Variants in ATXN1 observed in about 807,000 individuals in gnomAD.
ATXN1 encodes the protein ataxin-1.
Under a neutral mutation model 56.4 loss-of-function variants are expected in ATXN1, and 8 were observed. The observed-to-expected ratio is 0.14, with a 90% confidence interval of 0.08 to 0.26. The LOEUF is 0.26. ATXN1 is among the 10% of genes least tolerant of loss of function. The pLI is 1.00. For missense variants in ATXN1, 987 were observed against 1,106.5 expected (o/e 0.89, Z 1.53); for synonymous variants, 514 against 494.6 (o/e 1.04, Z -0.52).
chr6:16,712,158 A>T (rs1759537266), intron 2 of ATXN1, among the ~76,000 whole-genome samples: 1 of 152,234 alleles, frequency 6.6e-6, no homozygotes. Context: ...TGCATTCATC[A>T]AAACTCATTG....
At chr6:16,602,715 G>T (rs1034220533) in intron 3 of ATXN1, among the ~76,000 whole-genome samples, 1 of 152,176 alleles carries the variant, frequency 6.6e-6, no homozygotes, top group African/African-American at 2.4e-5. Context: ...CTCCCAAAGT[G>T]CTGAGATTAC....
intron 1 of ATXN1, among the ~76,000 whole-genome samples, chr6:16,757,637 A>G (rs894704571): frequency 6.6e-6 from 1 of 152,196 alleles, no homozygotes; most frequent in Admixed American, 6.5e-5. Flanking sequence ...CCTGGGGGAA[A>G]AAATTTACCA....
At chr6:16,373,565 AC>A (rs1383148408) in intron 6 of ATXN1, among the ~76,000 whole-genome samples, 4 of 152,186 alleles carry the variant, frequency 2.6e-5, no homozygotes, top group Non-Finnish European at 4.4e-5. Flanking sequence ...CGTAGCTCCC[AC>A]AATTCCCACA....
intron 3 of ATXN1, among the ~76,000 whole-genome samples, chr6:16,607,528 GAA>G (rs1349210361): frequency 6.6e-6 from 1 of 152,142 alleles, no homozygotes; most frequent in African/African-American, 2.4e-5. Context: ...CTTCAAAATG[GAA>G]TGTCAGTGTC....
chr6:16,445,456 G>A (rs904470890), intron 6 of ATXN1, among the ~76,000 whole-genome samples: 1 of 151,958 alleles, frequency 6.6e-6, no homozygotes, highest in African/African-American at 2.4e-5. Context: ...ATGGGGTGGT[G>A]GGGCAAAAGC....
At chr6:16,557,122 G>A (rs566610247) in intron 4 of ATXN1, among the ~76,000 whole-genome samples, 3 of 152,088 alleles carry the variant, frequency 2.0e-5, no homozygotes, top group South Asian at 2.1e-4. Flanking sequence ...TCAGGAGTTC[G>A]AGACCAGCCT....
At chr6:16,406,536 A>G (rs187036271) in intron 6 of ATXN1, among the ~76,000 whole-genome samples, 1 of 152,220 alleles carries the variant, frequency 6.6e-6, no homozygotes, top group African/African-American at 2.4e-5. Flanking sequence ...AATTAATAGT[A>G]CTTTCTCTTA....
At chr6:16,759,354 G>A (rs778331489) in intron 1 of ATXN1, among the ~76,000 whole-genome samples, 3 of 152,140 alleles carry the variant, frequency 2.0e-5, no homozygotes, top group Non-Finnish European at 4.4e-5. Flanking sequence ...GGTGTAATAG[G>A]GTCTTCTAAT....
At chr6:16,482,141 C>T (rs1760452958) in intron 6 of ATXN1, among the ~76,000 whole-genome samples, 1 of 152,124 alleles carries the variant, frequency 6.6e-6, no homozygotes, top group Admixed American at 6.5e-5. Flanking sequence ...CAGATTCAAG[C>T]ATTCTCATCA....
chr6:16,678,807 G>C (rs539880192), intron 2 of ATXN1, among the ~76,000 whole-genome samples: 1 of 152,120 alleles, frequency 6.6e-6, no homozygotes, highest in Non-Finnish European at 1.5e-5. Flanking sequence ...AGGCCGAGGC[G>C]GGTGGATCAC....
chr6:16,761,347 G>A lies in ATXN1; in HGVS notation c.-779C>T, dbSNP rs1052682358. The A allele has an allele frequency of 8.8e-6, 4 of 456,352 alleles. No homozygotes were observed. The highest frequency in any genetic ancestry group is 7.1e-5 in the Admixed American group (3 of 42,526). 28.3% of individuals were successfully genotyped at this position (456,352 alleles called of 1,614,324 possible). ...TTGCGTGGGGAAGGGGGGGCAGAGG[G>A]AGAGAAACAATGTCTTGCGGCTGCT... is the stretch of plus-strand genomic sequence containing the variant. On this transcript the variant is annotated 5_prime_UTR_variant, in exon 1 of 8. Coordinates refer to ENST00000436367, the MANE Select transcript of ATXN1 (RefSeq NM_001128164.2).
At chr6:16,313,995 C>A (rs1408138858) in intron 7 of ATXN1, among the ~76,000 whole-genome samples, 2 of 152,158 alleles carry the variant, frequency 1.3e-5, no homozygotes, top group Non-Finnish European at 2.9e-5. Context: ...TGTCACCCTG[C>A]GAAAAGATGC....
chr6:16,706,346 G>A (rs189517396), intron 2 of ATXN1, among the ~76,000 whole-genome samples: 11 of 152,226 alleles, frequency 7.2e-5, no homozygotes, highest in Non-Finnish European at 1.3e-4. Context: ...AGAATTTGGC[G>A]CCCAATACGT....
intron 6 of ATXN1, among the ~76,000 whole-genome samples, chr6:16,455,304 A>G (rs1759843194): frequency 6.6e-6 from 1 of 152,250 alleles, no homozygotes; most frequent in Non-Finnish European, 1.5e-5. Flanking sequence ...TAGAGATGGC[A>G]AGTAAGCACA....
At chr6:16,735,732 G>C (rs1352947304) in intron 2 of ATXN1, among the ~76,000 whole-genome samples, 2 of 152,042 alleles carry the variant, frequency 1.3e-5, no homozygotes, top group African/African-American at 2.4e-5. Flanking sequence ...TAATCATTAG[G>C]AAGATCCACT....
At chr6:16,341,258 T>C (rs1320734510) in intron 6 of ATXN1, among the ~76,000 whole-genome samples, 1 of 152,226 alleles carries the variant, frequency 6.6e-6, no homozygotes, top group Admixed American at 6.5e-5. Flanking sequence ...GGTGTATCAG[T>C]GGCAGCAGCT....
chr6:16,631,365 C>T (rs1214709530), intron 3 of ATXN1, among the ~76,000 whole-genome samples: 1 of 152,192 alleles, frequency 6.6e-6, no homozygotes, highest in Non-Finnish European at 1.5e-5. Flanking sequence ...GATGGACACT[C>T]CTGGACACTG....
chr6:16,724,877 T>C (rs887995262), intron 2 of ATXN1, among the ~76,000 whole-genome samples: 4 of 152,190 alleles, frequency 2.6e-5, no homozygotes, highest in Admixed American at 6.5e-5. Context: ...AGCACACAGG[T>C]GGCACCTAGT....
intron 2 of ATXN1, among the ~76,000 whole-genome samples, chr6:16,700,442 C>T (rs909999743): frequency 6.6e-6 from 1 of 152,138 alleles, no homozygotes; most frequent in African/African-American, 2.4e-5. Flanking sequence ...TACTCGCTGC[C>T]TGACAACATG....
Sources: allele counts gnomAD v4.1 joint callset (sites outside exome capture counted in the v4.1 genomes callset), GRCh38; gene constraint gnomAD v4.1.1; transcripts MANE v1.5; gene names NCBI Gene and HGNC (gene_info 2026-07-23, HGNC 2026-07-21).